The following PHACTR1 variants were observed in gnomAD, a reference collection of about 807,000 sequenced individuals.
PHACTR1 encodes the protein phosphatase and actin regulator 1.
PHACTR1 carries 16 observed loss-of-function variants against 69.2 expected under a neutral mutation model. The observed-to-expected ratio is 0.23, with a 90% CI of 0.16 to 0.35. PHACTR1 has a LOEUF of 0.35. Among genes scored for constraint, PHACTR1 ranks in the 10% least tolerant of loss-of-function variants. The probability of loss-of-function intolerance (pLI) is 1.00; values close to 1 mark genes in which losing one functional copy is unlikely to be tolerated. For synonymous variants in PHACTR1, 312 were observed against 284.5 expected, an observed-to-expected ratio of 1.10 and a Z score of -0.97; for missense variants, 510 against 734.7, an observed-to-expected ratio of 0.69 and a Z score of 3.54.
chr6:13,051,998 C>A (rs1028532327), intron 4 of PHACTR1, among the ~76,000 whole-genome samples: 5 of 152,216 alleles, frequency 3.3e-5, no homozygotes, highest in African/African-American at 1.2e-4. Flanking sequence ...ACCCCTAAAC[C>A]TGTGTCCTCG....
chr6:12,925,810 C>T (rs972247491), intron 4 of PHACTR1, among the ~76,000 whole-genome samples: 1 of 152,052 alleles, frequency 6.6e-6, no homozygotes, highest in African/African-American at 2.4e-5. Flanking sequence ...TCTGCTCCCC[C>T]AAAAGCAGTC....
chr6:13,268,043 G>T (rs1192018920), intron 10 of PHACTR1, among the ~76,000 whole-genome samples: 5 of 151,806 alleles, frequency 3.3e-5, no homozygotes, highest in Non-Finnish European at 7.4e-5. Context: ...GAGGTGGGTG[G>T]ATCACCTGAG....
At chr6:13,024,124 A>G (rs544264068) in intron 4 of PHACTR1, among the ~76,000 whole-genome samples, 53 of 151,214 alleles carry the variant, frequency 3.5e-4, no homozygotes, top group Non-Finnish European at 7.2e-4. Flanking sequence ...ACTCAGTTGC[A>G]TATTAGTTTG....
At chr6:12,991,450 A>G (rs547173179) in intron 4 of PHACTR1, among the ~76,000 whole-genome samples, 1 of 152,308 alleles carries the variant, frequency 6.6e-6, no homozygotes, top group South Asian at 2.1e-4. Flanking sequence ...TCATTCCGTT[A>G]CCTGCCAACT....
At chr6:12,725,527 C>T (rs963216376) in intron 3 of PHACTR1, among the ~76,000 whole-genome samples, 1 of 152,224 alleles carries the variant, frequency 6.6e-6, no homozygotes, top group African/African-American at 2.4e-5. Flanking sequence ...CCTCCACCAC[C>T]TGCTAGATGC....
chr6:13,272,707 A>C (rs891812793), intron 10 of PHACTR1, 153 bp from the exon 11 acceptor site: 1 of 1,578,238 alleles, frequency 6.3e-7, no homozygotes. Flanking sequence ...GGAACTGAGG[A>C]GGCGGTGGTG....
At chr6:12,783,007 G>A (rs1342349098) in intron 4 of PHACTR1, among the ~76,000 whole-genome samples, 1 of 152,180 alleles carries the variant, frequency 6.6e-6, no homozygotes, top group Non-Finnish European at 1.5e-5. Flanking sequence ...TGTGAACTAT[G>A]GCCCCGTATG....
chr6:13,236,878 C>G (rs1157747111), intron 10 of PHACTR1, among the ~76,000 whole-genome samples: 2 of 152,022 alleles, frequency 1.3e-5, no homozygotes, highest in South Asian at 2.1e-4. Flanking sequence ...TGGGAAGAGA[C>G]AGATATTGCA....
intron 4 of PHACTR1, among the ~76,000 whole-genome samples, chr6:12,805,445 C>T (rs2127684829): frequency 6.6e-6 from 1 of 152,278 alleles, no homozygotes; most frequent in African/African-American, 2.4e-5. Context: ...CACTCAGCAG[C>T]CTCCACTTAG....
intron 4 of PHACTR1, among the ~76,000 whole-genome samples, chr6:12,927,878 A>G (rs1413265809): frequency 6.6e-6 from 1 of 152,222 alleles, no homozygotes; most frequent in Admixed American, 6.5e-5. Context: ...ATGAGAGTCT[A>G]AGAGGAATTA....
chr6:13,121,567 T>A (rs1344231038), intron 5 of PHACTR1, among the ~76,000 whole-genome samples: 1 of 152,236 alleles, frequency 6.6e-6, no homozygotes, highest in African/African-American at 2.4e-5. Context: ...TGATACATTG[T>A]TTGCATGGGG....
At position 12,823,767 on chromosome 6, in the gene PHACTR1, T is replaced by G. The variant is rs76025764; in HGVS notation, c.250+73977T>G. 7.0e-3 allele frequency among the ~76,000 whole-genome samples: 1,063 copies of G among 152,320 alleles called. 17 individuals are homozygous for G. Among genetic ancestry groups the G allele is most frequent in the African/African-American group, 0.024 (1,012 of 41,564 alleles). On this transcript the variant is annotated intron_variant, in intron 4 of 14. Coordinates refer to ENST00000332995, the MANE Select transcript of PHACTR1 (RefSeq NM_030948.6). The stretch of plus-strand genomic sequence containing the variant: ...ATGGGGCAGAACTAATTTGCTGCCA[T>G]TTTAGAAGCTTCTACTTAGTGTTAA...
chr6:12,741,969 G>C (rs1352016295), intron 3 of PHACTR1, among the ~76,000 whole-genome samples: 1 of 151,934 alleles, frequency 6.6e-6, no homozygotes, highest in Non-Finnish European at 1.5e-5. Flanking sequence ...CAGAGGACTT[G>C]CTTATCTTTT....
chr6:13,232,845 A>G (rs968635705), intron 10 of PHACTR1, among the ~76,000 whole-genome samples: 2 of 152,172 alleles, frequency 1.3e-5, no homozygotes, highest in African/African-American at 4.8e-5. Context: ...GAAAAAAGAG[A>G]AGGAGCAGAT....
At chr6:12,781,709 A>C (rs1470698433) in intron 4 of PHACTR1, among the ~76,000 whole-genome samples, 3 of 152,202 alleles carry the variant, frequency 2.0e-5, no homozygotes, top group African/African-American at 7.2e-5. Flanking sequence ...TCACCATGTT[A>C]GAGGCAAGAG....
intron 13 of PHACTR1, among the ~76,000 whole-genome samples, chr6:13,284,543 A>AAATAT (rs1554187813): frequency 4.6e-4 from 28 of 61,354 alleles, no homozygotes; most frequent in African/African-American, 6.4e-4. Flanking sequence ...AAAAAAAAAA[A>AAATAT]ATATATATAT....
At chr6:13,175,466 C>T (rs553186734) in intron 6 of PHACTR1, among the ~76,000 whole-genome samples, 2 of 152,296 alleles carry the variant, frequency 1.3e-5, no homozygotes, top group African/African-American at 4.8e-5. Context: ...GATAACAGGG[C>T]TCTCCCTGTG....
rs77775763 is a variant in PHACTR1 at position 12,918,917 on chromosome 6, A to G, written c.251-134448A>G. ...AGTCCAGGAACAAGAAAAAGTTGCG[A>G]AATTTCTTTGATTTTTAAAATGCAG... On this transcript the variant is annotated intron_variant, in intron 4 of 14. Coordinates refer to ENST00000332995, the MANE Select transcript of PHACTR1 (RefSeq NM_030948.6). Among the ~76,000 whole-genome samples the G allele has an allele frequency of 8.4e-3, 1,278 of 152,318 alleles. 25 individuals carry two copies. Among genetic ancestry groups the G allele is most frequent in the African/African-American group, 0.029 (1,222 of 41,560 alleles).
chr6:13,004,442 G>T (rs1435018059), intron 4 of PHACTR1, among the ~76,000 whole-genome samples: 1 of 152,012 alleles, frequency 6.6e-6, no homozygotes, highest in Non-Finnish European at 1.5e-5. Context: ...ATGTCTGTTT[G>T]TGTCCTTTGC....
Sources: gnomAD v4.1 joint callset for allele counts (sites outside exome capture counted in the v4.1 genomes callset) on GRCh38, gnomAD v4.1.1 for gene constraint, MANE v1.5 for transcripts, NCBI Gene and HGNC (gene_info 2026-07-23, HGNC 2026-07-21) for gene names.